Variants in TSPAN4 observed in about 807,000 individuals in gnomAD.
TSPAN4 encodes tetraspanin 4.
In TSPAN4, 38 loss-of-function variants were observed where a neutral mutation model predicts 31.5. The observed-to-expected ratio is 1.21, with a 90% CI of 0.93 to 1.58. The LOEUF (loss-of-function observed/expected upper bound fraction) is 1.58. Among genes scored for constraint, TSPAN4 ranks in the 40% most tolerant of loss-of-function variants. The pLI, the probability that TSPAN4 is intolerant of heterozygous loss-of-function variation, is 0.00. For missense variants in TSPAN4, 330 were observed against 317.3 expected (o/e 1.04, Z -0.30); for synonymous variants, 186 against 144.6 (o/e 1.29, Z -2.06).
chr11:848,949 T>C lies in TSPAN4; in HGVS notation c.-17-1339T>C. On this transcript the variant is annotated intron_variant, in intron 2 of 8. Transcript: ENST00000397397. This position sits in a 1 kb window ranked among gnomAD's most constrained non-coding sequence, Gnocchi z 5.7. ...CACGGGGCCGGTATGTCTGTACCTGTCAAGGGGTGGGGTGGGGTCTTTTAC... is the reference window on the plus strand; with the variant it reads ...CACGGGGCCGGTATGTCTGTACCTGCCAAGGGGTGGGGTGGGGTCTTTTAC... The C allele has an allele frequency of 1.4e-6, 1 of 700,046 alleles. No individual in the cohort carries two copies. Among genetic ancestry groups the C allele is most frequent in the Admixed American group, 2.1e-5 (1 of 47,180 alleles). 43.4% of individuals were successfully genotyped at this position (700,046 alleles called of 1,614,324 possible). A position where few individuals can be genotyped will look rare whatever the true frequency, so the allele number is the denominator to read the frequency against.
Position 866,802 on chromosome 11 carries a change from T to C in TSPAN4, c.*172T>C. The C allele has an allele frequency of 1.5e-6, 1 of 681,522 alleles. No homozygotes were observed. The highest frequency in any genetic ancestry group is 2.1e-5 in the South Asian group (1 of 47,968). The allele number at this position is 681,522 out of a possible 1,614,324, so 42.2% of individuals were successfully genotyped here. A position where few individuals can be genotyped will look rare whatever the true frequency, so the allele number is the denominator to read the frequency against. ...TGTTTCTGGAAGGCCCTAGCTCAGG[T>C]GGCTTCAGGGCCTCCGGACCCCCCC... On this transcript the variant is annotated 3_prime_UTR_variant, in exon 9 of 9. Coordinates refer to ENST00000397397, the MANE Select transcript of TSPAN4 (RefSeq NM_003271.5).
In TSPAN4 at chr11:848,763, T is replaced by C; in HGVS notation, c.-18+1463T>C. On this transcript the variant is annotated intron_variant, in intron 2 of 8. Transcript: ENST00000397397. This position sits in a 1 kb window ranked among gnomAD's most constrained non-coding sequence, Gnocchi z 5.7. The stretch of plus-strand genomic sequence containing the variant: ...GAATCTGGGCCACGTGCTGATATCT[T>C]CCCAACACCGCAGGGCCCTTGTGCC... 1 of 533,060 alleles carries C rather than the reference T, an allele frequency of 1.9e-6. No homozygotes were observed. Among genetic ancestry groups the C allele is most frequent in the Non-Finnish European group, 3.4e-6 (1 of 295,594 alleles). 33.0% of individuals were successfully genotyped at this position (533,060 alleles called of 1,614,324 possible). A position where few individuals can be genotyped will look rare whatever the true frequency, so the allele number is the denominator to read the frequency against.
chr11:850,541 G>A (rs914742960), intron 3 of TSPAN4, among the ~76,000 whole-genome samples, 174 bp downstream of exon 3: 1 of 152,222 alleles, frequency 6.6e-6, no homozygotes, highest in Non-Finnish European at 1.5e-5. Context: ...GGACTGGGCG[G>A]GTGGGGAAGG....
intron 5 of TSPAN4, 173 bp from the exon 6 acceptor site, chr11:865,340 A>C: frequency 1.7e-6 from 1 of 604,192 alleles, no homozygotes; most frequent in South Asian, 2.0e-5. Flanking sequence ...CCTGGGCCTC[A>C]GGGCTGCTGG....
chr11:855,734 T>C (rs1048635684), intron 3 of TSPAN4, among the ~76,000 whole-genome samples: 1 of 152,156 alleles, frequency 6.6e-6, no homozygotes, highest in Non-Finnish European at 1.5e-5. Flanking sequence ...AGATTGTAAG[T>C]GGACAGACTT....
chr11:861,485 G>T (rs1229852546), intron 3 of TSPAN4, among the ~76,000 whole-genome samples: 1 of 152,128 alleles, frequency 6.6e-6, no homozygotes, highest in African/African-American at 2.4e-5. Context: ...GGTCGAGGTG[G>T]GTGGATCACG....
intron 3 of TSPAN4, among the ~76,000 whole-genome samples, chr11:852,777 G>T (rs898374507): frequency 3.3e-5 from 5 of 152,202 alleles, no homozygotes; most frequent in Admixed American, 2.0e-4. Flanking sequence ...GGGAGACCAG[G>T]GGATACAACC....
intron 3 of TSPAN4, among the ~76,000 whole-genome samples, 164 bp downstream of exon 3, chr11:850,531 G>A (rs982247640): frequency 6.6e-6 from 1 of 152,208 alleles, no homozygotes; most frequent in Non-Finnish European, 1.5e-5. Flanking sequence ...CTAGGAGCCT[G>A]GACTGGGCGG....
At chr11:865,191 G>A (rs1251462360) in intron 5 of TSPAN4, 4 of 336,054 alleles carry the variant, frequency 1.2e-5, no homozygotes, top group South Asian at 7.7e-5. Context: ...TGGGCTCAGC[G>A]CTCATAGCCC....
At chr11:845,771 T>A (rs1847285530) in intron 1 of TSPAN4, among the ~76,000 whole-genome samples, 1 of 152,114 alleles carries the variant, frequency 6.6e-6, no homozygotes, top group African/African-American at 2.4e-5. Context: ...TTAGCCTCGG[T>A]GGTCCCAGGA....
intron 3 of TSPAN4, among the ~76,000 whole-genome samples, chr11:856,557 G>C (rs575907190): frequency 1.3e-5 from 2 of 152,050 alleles, no homozygotes; most frequent in African/African-American, 2.4e-5. Flanking sequence ...TCTGGCCTGC[G>C]GCGGGGCAGC....
At chr11:860,786 C>G (rs1308221855) in intron 3 of TSPAN4, among the ~76,000 whole-genome samples, 1 of 152,110 alleles carries the variant, frequency 6.6e-6, no homozygotes, top group African/African-American at 2.4e-5. Context: ...TCTGGGTGCT[C>G]CAAGGGGTTT....
In TSPAN4 at chr11:862,587, T is replaced by C. The variant is rs1213541636; in HGVS notation, c.101T>C (p.Leu34Pro). ...GGCGTGCTGGGTGTCGGCATCTGGCTGGCCGCCACACAGGGGAGCTTCGCC... is the reference window on the plus strand; with the variant it reads ...GGCGTGCTGGGTGTCGGCATCTGGCCGGCCGCCACACAGGGGAGCTTCGCC... ...GCGVLGVGIW[L>P]AATQGSFATL... is the part of the protein sequence containing the mutation. The change falls in exon 4 of 9, where the codon CTG becomes CCG. Residue 34 changes from leucine (L) to proline (P), a missense_variant. By Grantham distance (98) the Leu-to-Pro change is moderately conservative (BLOSUM62 -3). Transcript: ENST00000397397. 1 of 1,611,894 alleles carries C rather than the reference T, an allele frequency of 6.2e-7. No homozygotes were observed. Among genetic ancestry groups the C allele is most frequent in the South Asian group, 1.1e-5 (1 of 90,990 alleles).
chr11:859,011 CG>C (rs1848245073), intron 3 of TSPAN4, among the ~76,000 whole-genome samples: 2 of 129,876 alleles, frequency 1.5e-5, no homozygotes, highest in African/African-American at 3.0e-5. Flanking sequence ...CACGCATCCC[CG>C]CTCACATGCA....
In TSPAN4 at chr11:867,025, C is replaced by G; in HGVS notation, c.*395C>G. On this transcript the variant is annotated 3_prime_UTR_variant, in exon 9 of 9. Coordinates refer to ENST00000397397, the MANE Select transcript of TSPAN4 (RefSeq NM_003271.5). Reference sequence around the variant, plus strand: ...GGAGGTGGCCCCACTGGTCCTGGTGCTCCAGGCGGGGCCGTGGACCCCTCA... The same window carrying G: ...GGAGGTGGCCCCACTGGTCCTGGTGGTCCAGGCGGGGCCGTGGACCCCTCA... 5.4e-6 allele frequency: 1 copy of G among 186,648 alleles called. No homozygotes were observed. Among genetic ancestry groups the G allele is most frequent in the Non-Finnish European group, 1.1e-5 (1 of 89,718 alleles). 11.6% of individuals were successfully genotyped at this position (186,648 alleles called of 1,614,324 possible).
At position 862,528 on chromosome 11, in the gene TSPAN4, C is replaced by G. The variant is rs201151045; in HGVS notation, c.64-22C>G. ...CATTGGGGCCTCACCCTGTCTGTGT[C>G]TCTCCTGTTGCTGTGCCCCAGCTGG... On this transcript the variant is annotated intron_variant, in intron 3 of 8. Coordinates refer to ENST00000397397, the MANE Select transcript of TSPAN4 (RefSeq NM_003271.5). 6 of 1,586,922 alleles carry G rather than the reference C, an allele frequency of 3.8e-6. No homozygotes were observed. In the Admixed American group the frequency reaches 1.0e-4, roughly 27 times the overall value.
Position 865,824 on chromosome 11 carries a change from C to T in TSPAN4, c.563C>T (p.Ala188Val), listed in dbSNP as rs774753905. Residue 188 changes from alanine to valine, a missense_variant and splice_region_variant, in exon 7 of 9, where the codon GCG (alanine) becomes GTG (valine). Coordinates refer to ENST00000397397, the MANE Select transcript of TSPAN4 (RefSeq NM_003271.5). The stretch of plus-strand genomic sequence containing the variant: ...CACGCCCCCGGCACCTGGTGGAAGG[C>T]GGTGAGTGAGACCCCCACCCTGGGG... ...GLHAPGTWWK[A>V]PCYETVKVWL... 1.4e-5 allele frequency: 23 copies of T among 1,611,938 alleles called. No individual in the cohort carries two copies. Among genetic ancestry groups the T allele is most frequent in the South Asian group, 4.4e-5 (4 of 90,938 alleles).
At chr11:865,409 G>C in intron 5 of TSPAN4, 104 bp from the exon 6 acceptor site, 1 of 875,218 alleles carries the variant, frequency 1.1e-6, no homozygotes, top group East Asian at 2.6e-5. Context: ...GGGGACACAA[G>C]ACCAGGCGCA....
intron 4 of TSPAN4, chr11:862,996 C>T (rs996836315): frequency 8.4e-6 from 4 of 476,104 alleles, no homozygotes; most frequent in Non-Finnish European, 1.5e-5. Context: ...AGGGGCCTCC[C>T]CTGACGGGAC....
Sources: allele counts gnomAD v4.1 joint callset (sites outside exome capture counted in the v4.1 genomes callset), GRCh38; gene constraint gnomAD v4.1.1; non-coding constraint Gnocchi (gnomAD v3.1); transcripts MANE v1.5; gene names NCBI Gene and HGNC (gene_info 2026-07-23, HGNC 2026-07-21).